Variants in GRM5 observed in about 807,000 individuals in gnomAD.
GRM5 encodes the protein glutamate metabotropic receptor 5.
Under a neutral mutation model 83.1 loss-of-function variants are expected in GRM5, and 19 were observed. That is an observed-to-expected ratio of 0.23 (90% CI 0.16 to 0.34). The LOEUF is 0.34. Ranked by LOEUF, GRM5 falls within the 10% of genes least tolerant of loss-of-function variation. The probability of loss-of-function intolerance (pLI) is 1.00; values close to 1 mark genes in which losing one functional copy is unlikely to be tolerated. For synonymous variants in GRM5, 675 were observed against 633.6 expected (o/e 1.07, Z -0.98); for missense variants, 1,160 against 1,588.3 (o/e 0.73, Z 4.58).
chr11:88,883,735 T>C (rs1476426848), intron 2 of GRM5, among the ~76,000 whole-genome samples: 2 of 152,066 alleles, frequency 1.3e-5, no homozygotes, highest in African/African-American at 4.8e-5. Context: ...AAAAATGGTT[T>C]AATGGGCAGA....
intron 3 of GRM5, among the ~76,000 whole-genome samples, chr11:88,840,149 CCTTT>C (rs1305341083): frequency 6.6e-6 from 1 of 151,982 alleles, no homozygotes; most frequent in Non-Finnish European, 1.5e-5. Context: ...TGCATTTTTG[CCTTT>C]TTTTTTCATT....
At chr11:88,810,524 G>A (rs1565241701) in intron 3 of GRM5, among the ~76,000 whole-genome samples, 1 of 152,006 alleles carries the variant, frequency 6.6e-6, no homozygotes, top group East Asian at 1.9e-4. Context: ...GATTAAATTA[G>A]GAAGAGAGTA....
At chr11:88,836,023 C>T (rs932506551) in intron 3 of GRM5, among the ~76,000 whole-genome samples, 9 of 152,068 alleles carry the variant, frequency 5.9e-5, no homozygotes, top group African/African-American at 2.2e-4. Context: ...CCATCAGAAG[C>T]CCTTAAACCT....
chr11:88,952,125 AACACAC>A (rs57780254), intron 2 of GRM5, among the ~76,000 whole-genome samples: 72 of 151,116 alleles, frequency 4.8e-4, no homozygotes, highest in Non-Finnish European at 9.6e-4. Flanking sequence ...CATACAAACA[AACACAC>A]ACACACACAC....
At chr11:88,852,572 T>C (rs551576209) in intron 2 of GRM5, among the ~76,000 whole-genome samples, 1 of 152,144 alleles carries the variant, frequency 6.6e-6, no homozygotes, top group African/African-American at 2.4e-5. Context: ...AAGTATTATT[T>C]TCCCAGAGCA....
At chr11:89,006,099 T>TA (rs1212546288) in intron 2 of GRM5, among the ~76,000 whole-genome samples, 1 of 152,058 alleles carries the variant, frequency 6.6e-6, no homozygotes, top group African/African-American at 2.4e-5. Context: ...TTATAACATG[T>TA]AAAAAGCACA....
chr11:89,065,280 T>C (rs1311735458), intron 1 of GRM5, among the ~76,000 whole-genome samples: 2 of 132,670 alleles, frequency 1.5e-5, no homozygotes, highest in African/African-American at 2.8e-5. Context: ...TGCACATGTA[T>C]TGGCATCACA....
At chr11:88,826,634 A>G (rs954311768) in intron 3 of GRM5, among the ~76,000 whole-genome samples, 1 of 152,130 alleles carries the variant, frequency 6.6e-6, no homozygotes, top group Non-Finnish European at 1.5e-5. Context: ...GTACTGGACA[A>G]GAAGGATTAA....
chr11:88,529,395 C>T (rs938799592), intron 8 of GRM5, among the ~76,000 whole-genome samples: 17 of 150,644 alleles, frequency 1.1e-4, no homozygotes, highest in African/African-American at 4.2e-4. Flanking sequence ...TAAGACAAAT[C>T]TGAAAAATTG....
intron 3 of GRM5, among the ~76,000 whole-genome samples, chr11:88,681,194 A>T (rs1940476261): frequency 6.6e-6 from 1 of 152,072 alleles, no homozygotes. Context: ...ATCTTTTTTT[A>T]AAAAGAAGTC....
intron 8 of GRM5, among the ~76,000 whole-genome samples, chr11:88,557,190 T>C (rs1385416141): frequency 1.3e-5 from 2 of 152,112 alleles, no homozygotes; most frequent in African/African-American, 4.8e-5. Flanking sequence ...TTTTTCTTTA[T>C]ATGTGGATAG....
chr11:89,015,462 C>T (rs540190577), intron 2 of GRM5, among the ~76,000 whole-genome samples: 18 of 152,222 alleles, frequency 1.2e-4, no homozygotes, highest in African/African-American at 3.8e-4. Context: ...TGTCTGTTGG[C>T]AGTGTTTTTA....
Position 88,793,361 on chromosome 11 carries a change from G to A in GRM5, c.911+56545C>T, listed in dbSNP as rs191986014. On this transcript the variant is annotated intron_variant, in intron 3 of 9. Transcript: ENST00000305447. ...TATATAAAAATTTGACATATAATTC[G>A]AGAGAATTAATGGATTTTATAGTGA... Among the ~76,000 whole-genome samples, 11 of 152,148 alleles carry A rather than the reference G, an allele frequency of 7.2e-5. No individual in the cohort carries two copies. The South Asian group carries it at 1.0e-3, about 14-fold the overall frequency.
intron 2 of GRM5, among the ~76,000 whole-genome samples, chr11:88,926,903 A>G (rs1945799025): frequency 6.6e-6 from 1 of 152,196 alleles, no homozygotes; most frequent in Non-Finnish European, 1.5e-5. Flanking sequence ...TATTTTGACT[A>G]CATAAATTAA....
intron 2 of GRM5, among the ~76,000 whole-genome samples, chr11:89,000,090 G>A (rs142455735): frequency 0.02 from 3,112 of 152,150 alleles, 103 homozygotes; most frequent in African/African-American, 0.072. Context: ...GCCTGTTGTG[G>A]GGTGAGGGGA....
chr11:88,753,644 T>A (rs1278492364), intron 3 of GRM5, among the ~76,000 whole-genome samples: 4 of 152,100 alleles, frequency 2.6e-5, no homozygotes, highest in African/African-American at 7.2e-5. Flanking sequence ...GAAGCACTAT[T>A]CACAGTAGCA....
At chr11:88,550,502 T>A (rs1227648515) in intron 8 of GRM5, among the ~76,000 whole-genome samples, 1 of 152,222 alleles carries the variant, frequency 6.6e-6, no homozygotes. Flanking sequence ...GCTTGCATTA[T>A]GCAGACATTT....
At chr11:88,995,730 T>A (rs1591032068) in intron 2 of GRM5, among the ~76,000 whole-genome samples, 1 of 152,156 alleles carries the variant, frequency 6.6e-6, no homozygotes, top group Non-Finnish European at 1.5e-5. Flanking sequence ...TAAATATCAG[T>A]TCTCATTTCT....
At chr11:88,637,268 CA>C (rs1378318761) in intron 4 of GRM5, among the ~76,000 whole-genome samples, 1 of 151,984 alleles carries the variant, frequency 6.6e-6, no homozygotes, top group African/African-American at 2.4e-5. Flanking sequence ...TCCAAAACAC[CA>C]AAAGCAATGG....
Sources: gnomAD v4.1 joint callset for allele counts (sites outside exome capture counted in the v4.1 genomes callset) on GRCh38, gnomAD v4.1.1 for gene constraint, MANE v1.5 for transcripts, NCBI Gene and HGNC (gene_info 2026-07-23, HGNC 2026-07-21) for gene names.